The following BAZ2B variants were observed in gnomAD, a reference collection of about 807,000 sequenced individuals.
BAZ2B encodes the protein bromodomain adjacent to zinc finger domain protein 2B.
In BAZ2B, 91 loss-of-function variants were observed where a neutral mutation model predicts 246.0. The observed-to-expected ratio is 0.37, with a 90% confidence interval of 0.31 to 0.44. The LOEUF (loss-of-function observed/expected upper bound fraction) is 0.44. Among genes scored for constraint, BAZ2B ranks in the 20% least tolerant of loss-of-function variants. The pLI is 1.00. For synonymous variants in BAZ2B, 855 were observed against 860.0 expected (o/e 0.99, Z 0.10); for missense variants, 2,332 against 2,533.7 (o/e 0.92, Z 1.71).
chr2:159,442,599 C>T (rs1325215460), intron 6 of BAZ2B, among the ~76,000 whole-genome samples: 2 of 152,162 alleles, frequency 1.3e-5, no homozygotes, highest in Non-Finnish European at 2.9e-5. Flanking sequence ...GTTGTGCAAA[C>T]ATCAGTGCTA....
At chr2:159,541,379 G>C (rs2086645102) in intron 2 of BAZ2B, among the ~76,000 whole-genome samples, 1 of 152,000 alleles carries the variant, frequency 6.6e-6, no homozygotes, top group Non-Finnish European at 1.5e-5. Context: ...CTTGTGTCAA[G>C]TGATTCTCCT....
chr2:159,476,926 T>C (rs1345918902), intron 3 of BAZ2B, among the ~76,000 whole-genome samples: 1 of 152,202 alleles, frequency 6.6e-6, no homozygotes, highest in Non-Finnish European at 1.5e-5. Flanking sequence ...AGCCATCATT[T>C]TGCGTATAAG....
chr2:159,700,681 G>A, the BAZ2B span, among the ~76,000 whole-genome samples: 5 of 152,232 alleles, frequency 3.3e-5, no homozygotes, highest in African/African-American at 1.2e-4. Context: ...TCCTGACCTC[G>A]TGATCTGCCC....
At chr2:159,424,317 T>C (rs1181311433) in intron 13 of BAZ2B, among the ~76,000 whole-genome samples, 2 of 152,150 alleles carry the variant, frequency 1.3e-5, no homozygotes, top group Non-Finnish European at 2.9e-5. Flanking sequence ...TTGTTTTTGT[T>C]TTCAATTAGC....
At chr2:159,501,432 G>T (rs1559630912) in intron 2 of BAZ2B, among the ~76,000 whole-genome samples, 1 of 148,414 alleles carries the variant, frequency 6.7e-6, no homozygotes, top group African/African-American at 2.5e-5. Flanking sequence ...CACTGTGTGT[G>T]TGCGTTTGTG....
At chr2:159,629,962 T>C in the BAZ2B span, among the ~76,000 whole-genome samples, 1 of 152,288 alleles carries the variant, frequency 6.6e-6, no homozygotes, top group South Asian at 2.1e-4. Flanking sequence ...TATGTCACCA[T>C]TCATCTAAAT....
intron 1 of BAZ2B, among the ~76,000 whole-genome samples, chr2:159,602,737 T>C (rs1692453916): frequency 6.6e-6 from 1 of 152,206 alleles, no homozygotes; most frequent in Non-Finnish European, 1.5e-5. Context: ...AAAATATTCA[T>C]ATTCTTTGAC....
intron 13 of BAZ2B, among the ~76,000 whole-genome samples, chr2:159,415,144 A>G (rs1327186102): frequency 1.3e-5 from 2 of 151,950 alleles, no homozygotes; most frequent in African/African-American, 4.8e-5. Flanking sequence ...GCACATGCCA[A>G]CACAATGCTA....
At chr2:159,458,014 T>C (rs192807936) in intron 3 of BAZ2B, among the ~76,000 whole-genome samples, 2 of 152,272 alleles carry the variant, frequency 1.3e-5, no homozygotes, top group East Asian at 1.9e-4. Context: ...GCCTCTTTCA[T>C]ATTATTATTT....
chr2:159,663,978 A>ACCTC, the BAZ2B span, among the ~76,000 whole-genome samples: 1 of 84,750 alleles, frequency 1.2e-5, no homozygotes, highest in Non-Finnish European at 2.3e-5. Context: ...TGCACCCACT[A>ACCTC]ACGTGTCATC....
the BAZ2B span, among the ~76,000 whole-genome samples, chr2:159,640,760 T>A: frequency 6.6e-6 from 1 of 151,032 alleles, no homozygotes; most frequent in African/African-American, 2.4e-5. Context: ...AAACTTCAAA[T>A]AAATAACCTA....
the BAZ2B span, among the ~76,000 whole-genome samples, chr2:159,710,365 C>G: frequency 2.6e-5 from 4 of 152,174 alleles, no homozygotes; most frequent in Non-Finnish European, 4.4e-5. Context: ...CCTGCCACCA[C>G]GCCCGGCTAA....
At chr2:159,466,549 A>G (rs764382089) in intron 3 of BAZ2B, among the ~76,000 whole-genome samples, 1 of 152,244 alleles carries the variant, frequency 6.6e-6, no homozygotes, top group Non-Finnish European at 1.5e-5. Flanking sequence ...GGAGGAAATT[A>G]TAGCTGCAGC....
At chr2:159,646,174 C>A in the BAZ2B span, among the ~76,000 whole-genome samples, 4 of 152,154 alleles carry the variant, frequency 2.6e-5, no homozygotes, top group Non-Finnish European at 5.9e-5. Context: ...TTTAGAGGCC[C>A]ACCCTCAGGG....
At chr2:159,624,662 G>A in the BAZ2B span, among the ~76,000 whole-genome samples, 1 of 152,112 alleles carries the variant, frequency 6.6e-6, no homozygotes, top group Non-Finnish European at 1.5e-5. Context: ...TCCACTCAGA[G>A]ACCCCATCCA....
rs978589761 is a variant in BAZ2B at position 159,508,769 on chromosome 2, C to T, written c.-2-30048G>A. Among the ~76,000 whole-genome samples the T allele has an allele frequency of 5.9e-5, 9 of 152,114 alleles. No individual in the cohort carries two copies. The South Asian group carries it at 1.0e-3, about 18-fold the overall frequency. On this transcript the variant is annotated intron_variant, in intron 2 of 36. Transcript: ENST00000392783. ...CCTTTTATTTCCAGAAATTACTCTCCGATGTCCTAAATAATATTGTCATCA... is the reference window on the plus strand; with the variant it reads ...CCTTTTATTTCCAGAAATTACTCTCTGATGTCCTAAATAATATTGTCATCA...
intron 1 of BAZ2B, among the ~76,000 whole-genome samples, chr2:159,581,005 G>A (rs1211417034): frequency 1.3e-5 from 2 of 152,092 alleles, no homozygotes; most frequent in African/African-American, 4.8e-5. Flanking sequence ...ACATAGGCAT[G>A]GGCAAAGACT....
At chr2:159,582,515 C>A (rs370263970) in intron 1 of BAZ2B, among the ~76,000 whole-genome samples, 2 of 152,062 alleles carry the variant, frequency 1.3e-5, no homozygotes, top group Non-Finnish European at 1.5e-5. Flanking sequence ...TCCGGAGTAG[C>A]TGGGACAGCA....
chr2:159,349,386 A>T, intron 28 of BAZ2B, 106 bp from the exon 29 acceptor site: 1 of 1,161,712 alleles, frequency 8.6e-7, no homozygotes, highest in Non-Finnish European at 1.2e-6. Flanking sequence ...ATATTCTTTC[A>T]TTTATTACAA....
Sources: allele counts gnomAD v4.1 joint callset (sites outside exome capture counted in the v4.1 genomes callset), GRCh38; gene constraint gnomAD v4.1.1; transcripts MANE v1.5; gene names NCBI Gene and HGNC (gene_info 2026-07-23, HGNC 2026-07-21).